Variants in BTC observed in about 807,000 individuals in gnomAD.
The protein encoded by BTC is probetacellulin.
Under a neutral mutation model 18.1 loss-of-function variants are expected in BTC, and 13 were observed. The observed-to-expected ratio is 0.72, with a 90% CI of 0.47 to 1.14. BTC has a LOEUF of 1.14. Ranked by LOEUF, BTC falls within the 50% of genes most tolerant of loss-of-function variation. BTC has a pLI of 0.00. For synonymous variants in BTC, 83 were observed against 79.4 expected (o/e 1.05, Z -0.24); for missense variants, 247 against 224.2 (o/e 1.10, Z -0.65).
At chr4:74,761,245 G>A (rs1183188391) in intron 2 of BTC, among the ~76,000 whole-genome samples, 2 of 152,098 alleles carry the variant, frequency 1.3e-5, no homozygotes, top group Non-Finnish European at 2.9e-5. Flanking sequence ...TATCTTTCTC[G>A]TTTTCCAAGA....
intron 1 of BTC, among the ~76,000 whole-genome samples, chr4:74,773,621 T>TTA (rs938773239): frequency 6.6e-6 from 1 of 151,682 alleles, no homozygotes; most frequent in African/African-American, 2.4e-5. Flanking sequence ...ACAAACTTTT[T>TTA]TTTTTTTTTA....
At chr4:74,750,968 A>G (rs1233168922) in intron 3 of BTC, among the ~76,000 whole-genome samples, 1 of 152,204 alleles carries the variant, frequency 6.6e-6, no homozygotes, top group Non-Finnish European at 1.5e-5. Flanking sequence ...GATGATGACA[A>G]TTAACTAAAA....
At chr4:74,785,708 C>CTT (rs377192971) in intron 1 of BTC, among the ~76,000 whole-genome samples, 105 of 152,322 alleles carry the variant, frequency 6.9e-4, no homozygotes, top group African/African-American at 2.3e-3. Flanking sequence ...CCTTTACCCA[C>CTT]TTTCAGCTTC....
intron 1 of BTC, among the ~76,000 whole-genome samples, chr4:74,779,233 A>C (rs917580081): frequency 6.6e-6 from 1 of 152,184 alleles, no homozygotes; most frequent in Non-Finnish European, 1.5e-5. Context: ...TCACAACCTT[A>C]TATTTTTAAA....
chr4:74,772,361 A>G (rs1051105213), intron 1 of BTC, among the ~76,000 whole-genome samples: 1 of 152,224 alleles, frequency 6.6e-6, no homozygotes, highest in Non-Finnish European at 1.5e-5. Flanking sequence ...CACACTTAGA[A>G]CAAATAGAAA....
intron 1 of BTC, among the ~76,000 whole-genome samples, chr4:74,776,929 A>G (rs888652005): frequency 6.6e-6 from 1 of 152,226 alleles, no homozygotes; most frequent in Non-Finnish European, 1.5e-5. Context: ...ATTCCTTGCC[A>G]TATCATATCA....
chr4:74,781,012 T>G (rs1379025523), intron 1 of BTC, among the ~76,000 whole-genome samples: 4 of 152,084 alleles, frequency 2.6e-5, no homozygotes, highest in South Asian at 4.2e-4. Context: ...CTTGCCAAAG[T>G]GCAGTAATAT....
chr4:74,772,486 A>T (rs1725068487), intron 1 of BTC, among the ~76,000 whole-genome samples: 1 of 152,190 alleles, frequency 6.6e-6, no homozygotes, highest in Non-Finnish European at 1.5e-5. Context: ...AGACTGAGTG[A>T]ATCAATCTAT....
rs1487721381 is a variant in BTC, at chr4:74,746,035, A to C, written c.*642T>G. On this transcript the variant is annotated 3_prime_UTR_variant, in exon 6 of 6. Coordinates refer to ENST00000395743, the MANE Select transcript of BTC (RefSeq NM_001729.4). ...TCTTGACATCTCACAATCATACCAAAACACAGTTCAGTATAAAACCTTGGG... is the reference window on the plus strand; with the variant it reads ...TCTTGACATCTCACAATCATACCAACACACAGTTCAGTATAAAACCTTGGG... 3 of 152,200 alleles carry C rather than the reference A, an allele frequency of 2.0e-5. No homozygotes were observed. The highest frequency in any genetic ancestry group is 7.2e-5 in the African/African-American group (3 of 41,458). 9.4% of individuals were successfully genotyped at this position (152,200 alleles called of 1,614,324 possible).
chr4:74,793,870 G>T (rs1038515744), intron 1 of BTC, among the ~76,000 whole-genome samples: 8 of 152,066 alleles, frequency 5.3e-5, no homozygotes, highest in Non-Finnish European at 7.4e-5. Context: ...GGGTTTCCCT[G>T]CTCGCCCCTG....
At chr4:74,785,208 T>C (rs1725447837) in intron 1 of BTC, among the ~76,000 whole-genome samples, 1 of 152,210 alleles carries the variant, frequency 6.6e-6, no homozygotes, top group Non-Finnish European at 1.5e-5. Flanking sequence ...CTAGTTTATG[T>C]TAATAGAGGT....
chr4:74,779,701 G>A (rs564565087), intron 1 of BTC, among the ~76,000 whole-genome samples: 13 of 152,242 alleles, frequency 8.5e-5, no homozygotes, highest in African/African-American at 3.1e-4. Context: ...TGAGGAAACA[G>A]TCATCAAACT....
chr4:74,793,627 A>G (rs1042393695), intron 1 of BTC, among the ~76,000 whole-genome samples: 2 of 151,952 alleles, frequency 1.3e-5, no homozygotes, highest in African/African-American at 4.8e-5. Flanking sequence ...GGTGGAGGGG[A>G]AGGGGAAGCC....
At chr4:74,753,429 C>T (rs1294007998) in intron 3 of BTC, among the ~76,000 whole-genome samples, 1 of 152,168 alleles carries the variant, frequency 6.6e-6, no homozygotes, top group East Asian at 1.9e-4. Flanking sequence ...AGTTCATGCT[C>T]TTAACTGCAT....
intron 1 of BTC, among the ~76,000 whole-genome samples, chr4:74,771,452 A>G (rs934235218): frequency 2.6e-5 from 4 of 152,228 alleles, no homozygotes; most frequent in Non-Finnish European, 5.9e-5. Context: ...ACATACAGGA[A>G]CACACAGGTG....
At chr4:74,776,980 C>G (rs982635328) in intron 1 of BTC, among the ~76,000 whole-genome samples, 6 of 152,034 alleles carry the variant, frequency 3.9e-5, no homozygotes, top group Non-Finnish European at 8.8e-5. Context: ...TTAGAAAATC[C>G]AGCTTTAAGT....
At chr4:74,755,779 C>G in intron 3 of BTC, 80 bp downstream of exon 3, 1 of 1,336,296 alleles carries the variant, frequency 7.5e-7, no homozygotes, top group South Asian at 1.2e-5. Context: ...ATGGTTAGCT[C>G]ACACTTTCCA....
At chr4:74,792,785 C>T (rs148081746) in intron 1 of BTC, among the ~76,000 whole-genome samples, 16 of 152,346 alleles carry the variant, frequency 1.1e-4, no homozygotes, top group African/African-American at 3.6e-4. Flanking sequence ...GGCACGCATT[C>T]GTGTCCTCCA....
intron 2 of BTC, among the ~76,000 whole-genome samples, chr4:74,757,961 C>T (rs1227663203): frequency 6.6e-6 from 1 of 152,106 alleles, no homozygotes; most frequent in Non-Finnish European, 1.5e-5. Flanking sequence ...TAGTAAACTC[C>T]TCAGTAAATG....
Sources: gnomAD v4.1 joint callset for allele counts (sites outside exome capture counted in the v4.1 genomes callset) on GRCh38, gnomAD v4.1.1 for gene constraint, MANE v1.5 for transcripts, NCBI Gene and HGNC (gene_info 2026-07-23, HGNC 2026-07-21) for gene names.